CEP192: variants seen among roughly 807,000 people sequenced by gnomAD.
CEP192 encodes the protein centrosomal protein 192, also known as centrosomal protein of 192 kDa.
A neutral mutation model predicts 271.8 loss-of-function variants in CEP192; 151 were observed. The observed-to-expected ratio is 0.56, with a 90% CI of 0.49 to 0.64. The LOEUF is 0.64. Among genes scored for constraint, CEP192 ranks in the 30% least tolerant of loss-of-function variants. CEP192 has a pLI of 0.00. For synonymous variants in CEP192, 995 were observed against 1,076.5 expected, an observed-to-expected ratio of 0.92 and a Z score of 1.48; for missense variants, 2,910 against 3,020.5, an observed-to-expected ratio of 0.96 and a Z score of 0.86.
rs1483750182 is a variant in CEP192 at position 13,071,186 on chromosome 18, G to T, written c.5322G>T (p.Trp1774Cys). ...TGTCCAACAAACAATTTCTGGCTTG[G>T]GGAGGAGTCCCTCTAGGTAGAACAC... ...SILSNKQFLA[W>C]GGVPLGRTQL... Residue 1774 changes from tryptophan to cysteine, a missense_variant, in exon 28 of 45, where the codon TGG (tryptophan) becomes TGT (cysteine). Transcript: ENST00000506447. The T allele has an allele frequency of 6.2e-7, 1 of 1,614,014 alleles. No individual in the cohort carries two copies. The highest frequency in any genetic ancestry group is 1.1e-5 in the South Asian group (1 of 91,062).
At position 13,049,758 on chromosome 18, in the gene CEP192, C is replaced by A; in HGVS notation, c.2891-7C>A. 1 of 1,609,314 alleles carries A rather than the reference C, an allele frequency of 6.2e-7. No homozygotes were observed. Among genetic ancestry groups the A allele is most frequent in the Non-Finnish European group, 8.5e-7 (1 of 1,178,418 alleles). On this transcript the variant is annotated splice_polypyrimidine_tract_variant and splice_region_variant and intron_variant, in intron 16 of 44. Transcript: ENST00000506447. ...TCTTCTTACTGGAAAATACCCCTTT[C>A]TGATAGATTTGAAAAATACCTCTCC...
chr18:13,111,984 G>A (rs11876035), intron 40 of CEP192, among the ~76,000 whole-genome samples: 17 of 152,218 alleles, frequency 1.1e-4, no homozygotes, highest in African/African-American at 4.1e-4. Flanking sequence ...ACAGGTGTTG[G>A]TGAGGATGTG....
Position 13,061,769 on chromosome 18 carries a change from C to T in CEP192, c.4488+2457C>T, listed in dbSNP as rs2037420050. ...ATTTTTTGAGGGTGGGAAAGGCTGTCTTGTGCAGTGTAGGATGTTTAGCAG... is the reference window on the plus strand; with the variant it reads ...ATTTTTTGAGGGTGGGAAAGGCTGTTTTGTGCAGTGTAGGATGTTTAGCAG... On this transcript the variant is annotated intron_variant, in intron 21 of 44. Coordinates refer to ENST00000506447, the MANE Select transcript of CEP192 (RefSeq NM_032142.4). Among the ~76,000 whole-genome samples, 3 of 152,164 alleles carry T rather than the reference C, an allele frequency of 2.0e-5. No homozygotes were observed. The South Asian group carries it at 6.2e-4, about 31-fold the overall frequency.
At chr18:13,055,293 A>AG (rs1245318586) in intron 18 of CEP192, among the ~76,000 whole-genome samples, 1 of 152,150 alleles carries the variant, frequency 6.6e-6, no homozygotes, top group East Asian at 1.9e-4. Context: ...AAAAAAAAAA[A>AG]AAAGTTAACG....
intron 1 of CEP192, among the ~76,000 whole-genome samples, chr18:12,996,352 T>C (rs2033237515): frequency 6.6e-6 from 1 of 151,710 alleles, no homozygotes; most frequent in East Asian, 1.9e-4. Flanking sequence ...AGCAGCTAGG[T>C]GTTGGAGTTG....
intron 4 of CEP192, among the ~76,000 whole-genome samples, chr18:13,010,893 A>G (rs1435048752): frequency 6.6e-6 from 1 of 152,018 alleles, no homozygotes; most frequent in African/African-American, 2.4e-5. Context: ...ACACATGAAA[A>G]TATACCCAGT....
intron 39 of CEP192, 27 bp from the exon 40 acceptor site, chr18:13,104,957 T>C (rs374067864): frequency 6.5e-7 from 1 of 1,548,212 alleles, no homozygotes; most frequent in African/African-American, 1.4e-5. Flanking sequence ...TTATGGTTTT[T>C]AATTTGTTTA....
rs982404316 is a variant in CEP192 at position 13,038,397 on chromosome 18, T to A, written c.1627T>A (p.Ser543Thr). The A allele has an allele frequency of 1.1e-5, 17 of 1,551,494 alleles. No homozygotes were observed. Among genetic ancestry groups the A allele is most frequent in the African/African-American group, 4.1e-5 (3 of 73,030 alleles). Residue 543 changes from serine to threonine, a missense_variant, in exon 13 of 45, where the codon TCG becomes ACG. Ser to Thr is a moderately conservative substitution (Grantham distance 58). Transcript: ENST00000506447. ...AGAAAACATAGATGCTCATAATACTTCGGTTGCACTGGGCGATACGTCCTG... is the reference window on the plus strand; with the variant it reads ...AGAAAACATAGATGCTCATAATACTACGGTTGCACTGGGCGATACGTCCTG... ...QEENIDAHNT[S>T]VALGDTSWGA...
intron 17 of CEP192, among the ~76,000 whole-genome samples, chr18:13,050,587 T>C (rs1018472760): frequency 6.6e-6 from 1 of 151,300 alleles, no homozygotes; most frequent in Admixed American, 6.6e-5. Flanking sequence ...TTTTTTTTTT[T>C]CTTTTTTTTT....
At chr18:13,078,286 T>C (rs940009354) in intron 30 of CEP192, among the ~76,000 whole-genome samples, 1 of 152,232 alleles carries the variant, frequency 6.6e-6, no homozygotes, top group Non-Finnish European at 1.5e-5. Flanking sequence ...GGCTGTATAG[T>C]ATTCTATGGT....
Position 12,991,394 on chromosome 18 carries a change from T to C in CEP192, c.-48T>C, listed in dbSNP as rs11663049. The C allele has an allele frequency of 0.66, 101,129 of 152,382 alleles. 33,928 individuals carry two copies. The highest frequency in any genetic ancestry group is 0.8 in the East Asian group (4,159 of 5,178). 9.4% of individuals were successfully genotyped at this position (152,382 alleles called of 1,614,324 possible). On this transcript the variant is annotated 5_prime_UTR_variant, in exon 1 of 45. Transcript: ENST00000506447. ...TGGGACACCTCTTCAGTCCGTGGAC[T>C]TTCCCGCTGCACACTGCCCTCCGAA...
At chr18:13,030,343 T>C (rs2035546677) in intron 10 of CEP192, 122 bp from the exon 11 acceptor site, 2 of 831,876 alleles carry the variant, frequency 2.4e-6, no homozygotes, top group East Asian at 2.7e-5. Flanking sequence ...CTAACTAGCT[T>C]TGGCAAACTT....
Position 13,116,473 on chromosome 18 carries a change from T to C in CEP192, c.7386T>C (p.Asn2462=). The C allele has an allele frequency of 6.2e-7, 1 of 1,609,044 alleles. No homozygotes were observed. Among genetic ancestry groups the C allele is most frequent in the Non-Finnish European group, 8.5e-7 (1 of 1,178,386 alleles). ...SVGESRTLKV[N]LRNNSFITHS... is the part of the protein sequence containing the mutation. Reference sequence around the variant, plus strand: ...GGGAATCACGGACACTTAAAGTCAATCTGCGAAATAATTCTTTTATTACAC... The same window carrying C: ...GGGAATCACGGACACTTAAAGTCAACCTGCGAAATAATTCTTTTATTACAC... The change falls in exon 43 of 45, where the codon AAT becomes AAC. Residue 2462 remains asparagine, a synonymous_variant. Transcript: ENST00000506447.
In CEP192 at chr18:13,040,930, C is replaced by T; in HGVS notation, c.1910C>T (p.Ala637Val). The stretch of plus-strand genomic sequence containing the variant: ...AGAGGTAATTTGGAAAAAGAAATGG[C>T]TCATCTTAACCATGATCTATATTCA... ...VSRGNLEKEM[A>V]HLNHDLYSGD... Residue 637 changes from alanine to valine, a missense_variant, in exon 14 of 45, where the codon GCT (alanine) becomes GTT (valine). Physicochemically the swap from Ala to Val is moderately conservative, Grantham distance 64. Transcript: ENST00000506447. 1 of 1,611,436 alleles carries T rather than the reference C, an allele frequency of 6.2e-7. No homozygotes were observed. Among genetic ancestry groups the T allele is most frequent in the Non-Finnish European group, 8.5e-7 (1 of 1,178,496 alleles).
At chr18:12,995,148 G>A (rs2033142580) in intron 1 of CEP192, among the ~76,000 whole-genome samples, 1 of 143,046 alleles carries the variant, frequency 7.0e-6, no homozygotes, top group East Asian at 2.1e-4. Flanking sequence ...TGCAAGCTCT[G>A]CCTCCCGGAT....
chr18:13,079,703 T>G (rs1257639797), intron 30 of CEP192, among the ~76,000 whole-genome samples: 2 of 152,234 alleles, frequency 1.3e-5, no homozygotes, highest in African/African-American at 4.8e-5. Context: ...AGTCATGAAG[T>G]CCTTGCCCAT....
intron 21 of CEP192, among the ~76,000 whole-genome samples, chr18:13,063,199 T>C (rs2037503080): frequency 6.6e-6 from 1 of 152,206 alleles, no homozygotes; most frequent in African/African-American, 2.4e-5. Context: ...ATCTCTTTAA[T>C]ATACTGATTT....
intron 6 of CEP192, 43 bp downstream of exon 6, chr18:13,015,491 A>G: frequency 1.3e-6 from 2 of 1,539,376 alleles, no homozygotes; most frequent in Non-Finnish European, 8.8e-7. Context: ...TCACCTTGCC[A>G]CTCCACTTTA....
chr18:13,063,881 C>T (rs558287157), intron 21 of CEP192, among the ~76,000 whole-genome samples: 69 of 148,640 alleles, frequency 4.6e-4, no homozygotes, highest in African/African-American at 1.5e-3. Flanking sequence ...ATTGCAGTGG[C>T]GTGATCTCGG....
Sources: allele counts gnomAD v4.1 joint callset (sites outside exome capture counted in the v4.1 genomes callset), GRCh38; gene constraint gnomAD v4.1.1; transcripts MANE v1.5; gene names NCBI Gene and HGNC (gene_info 2026-07-23, HGNC 2026-07-21).